Variants in HGS observed in about 807,000 individuals in gnomAD.
HGS encodes hepatocyte growth factor-regulated tyrosine kinase substrate.
HGS carries 63 observed loss-of-function variants against 109.7 expected under a neutral mutation model. That is an observed-to-expected ratio of 0.57 (90% CI 0.47 to 0.71). The LOEUF is 0.71. Among genes scored for constraint, HGS ranks in the 30% least tolerant of loss-of-function variants. HGS has a pLI of 0.00. For missense variants in HGS, 995 were observed against 1,068.3 expected, an observed-to-expected ratio of 0.93 and a Z score of 0.96; for synonymous variants, 546 against 437.3, an observed-to-expected ratio of 1.25 and a Z score of -3.10.
chr17:81,690,528 C>A, intron 6 of HGS, 146 bp from the exon 7 acceptor site: 3 of 742,894 alleles, frequency 4.0e-6, no homozygotes, highest in South Asian at 1.9e-5. Context: ...CAGGCCACGC[C>A]GCTGGGAAGG....
chr17:81,686,148 C>T (rs755400051), intron 2 of HGS, 164 bp from the exon 3 acceptor site: 1 of 620,836 alleles, frequency 1.6e-6, no homozygotes, highest in Non-Finnish European at 2.9e-6. Context: ...ACAGGCTGGT[C>T]TCAGACTCCT....
chr17:81,694,097 C>T, intron 11 of HGS, 132 bp downstream of exon 11: 1 of 723,458 alleles, frequency 1.4e-6, no homozygotes, highest in Non-Finnish European at 2.2e-6. Context: ...AGGACAGCCC[C>T]AGCACACGGG....
At chr17:81,694,663 C>T in intron 11 of HGS, 152 bp from the exon 12 acceptor site, 2 of 819,738 alleles carry the variant, frequency 2.4e-6, no homozygotes, top group Non-Finnish European at 4.1e-6. Context: ...GAAAAGATGG[C>T]TGCTCAGATG....
intron 1 of HGS, chr17:81,684,867 C>T: frequency 3.1e-6 from 3 of 978,484 alleles, no homozygotes; most frequent in Non-Finnish European, 3.6e-6. Context: ...AACCAGCAAG[C>T]AGACTGAGTA....
At position 81,700,786 on chromosome 17, in the gene HGS, C is replaced by T; in HGVS notation, c.2108C>T (p.Ser703Phe). Residue 703 changes from serine (S) to phenylalanine (F), a missense_variant, in exon 20 of 22, where the codon TCC (serine) becomes TTC (phenylalanine). Ser to Phe is a radical substitution (Grantham distance 155, BLOSUM62 -2). Coordinates refer to ENST00000329138, the MANE Select transcript of HGS (RefSeq NM_004712.5). ...TMGYMGSQSVSMGYQPYNMQN... is the reference protein window; with the variant it reads ...TMGYMGSQSVFMGYQPYNMQN... ...GGCTACATGGGGAGCCAGTCAGTCT[C>T]CATGGGCTACCAGCCTTACAACATG... 6.2e-7 allele frequency: 1 copy of T among 1,612,594 alleles called. No homozygotes were observed. Among genetic ancestry groups the T allele is most frequent in the Non-Finnish European group, 8.5e-7 (1 of 1,179,838 alleles).
chr17:81,696,101 C>A, intron 15 of HGS, 102 bp downstream of exon 15: 1 of 1,079,484 alleles, frequency 9.3e-7, no homozygotes. Context: ...TCTTGTGAGT[C>A]CTTCATTGGG....
chr17:81,694,723 T>A (rs1598748068), intron 11 of HGS, 92 bp from the exon 12 acceptor site: 2 of 1,515,862 alleles, frequency 1.3e-6, no homozygotes, highest in East Asian at 4.5e-5. Context: ...GCGGCTCTGG[T>A]CTCCAGGATC....
In HGS at chr17:81,686,296, A is replaced by T; in HGVS notation, c.123-16A>T. 6.2e-7 allele frequency: 1 copy of T among 1,607,764 alleles called. No homozygotes were observed. Among genetic ancestry groups the T allele is most frequent in the Non-Finnish European group, 8.5e-7 (1 of 1,175,056 alleles). ...TTTCCCGTTTTTCTCTGCTTTTATC[A>T]ATGTTTCCTTTTCAGAGCAAAATAT... is the stretch of plus-strand genomic sequence containing the variant. On this transcript the variant is annotated splice_polypyrimidine_tract_variant and intron_variant, in intron 2 of 21. Coordinates refer to ENST00000329138, the MANE Select transcript of HGS (RefSeq NM_004712.5).
Position 81,684,084 on chromosome 17 carries a change from C to T in HGS, c.18C>T (p.Gly6=), listed in dbSNP as rs1355530089. The T allele has an allele frequency of 5.0e-6, 8 of 1,593,516 alleles. No homozygotes were observed. The highest frequency in any genetic ancestry group is 4.5e-5 in the South Asian group (4 of 88,510). ...AGGTCGCCATGGGGCGAGGCAGCGGCACCTTCGAGCGTCTCCTAGGTAACG... is the reference window on the plus strand; with the variant it reads ...AGGTCGCCATGGGGCGAGGCAGCGGTACCTTCGAGCGTCTCCTAGGTAACG... MGRGS[G]TFERLLDKAT... is the part of the protein sequence containing the mutation. The change falls in exon 1 of 22, where the codon GGC becomes GGT. Residue 6 remains glycine (G), a synonymous_variant. Coordinates refer to ENST00000329138, the MANE Select transcript of HGS (RefSeq NM_004712.5).
Position 81,701,704 on chromosome 17 carries a change from GTCCTCTACTGC to G in HGS, c.*87_*97del. 6.7e-7 allele frequency: 1 copy of G among 1,486,020 alleles called. No individual in the cohort carries two copies. The allele number at this position is 1,486,020 out of a possible 1,614,324, so 92.1% of individuals were successfully genotyped here. On this transcript the variant is annotated 3_prime_UTR_variant, in exon 22 of 22. Transcript: ENST00000329138. The stretch of plus-strand genomic sequence containing the variant: ...CTAACTGCCGTCGTCCTGCCTCCCT[GTCCTCTACTGC>G]CGGTAGTGTCCCTTCTCTGCGAGTG...
Sources: allele counts gnomAD v4.1 joint callset, GRCh38; gene constraint gnomAD v4.1.1; transcripts MANE v1.5; gene names NCBI Gene and HGNC (gene_info 2026-07-23, HGNC 2026-07-21).